Variants in PDE10A observed in about 807,000 individuals in gnomAD.
The protein encoded by PDE10A is phosphodiesterase 10A, also known as cAMP and cAMP-inhibited cGMP 3',5'-cyclic phosphodiesterase 10A.
Under a neutral mutation model 97.7 loss-of-function variants are expected in PDE10A, and 39 were observed. That is an observed-to-expected ratio of 0.40 (90% confidence interval 0.31 to 0.52). The LOEUF (loss-of-function observed/expected upper bound fraction) is 0.52, where lower values mean the gene tolerates loss of function less well. PDE10A is among the 20% of genes least tolerant of loss of function. The probability of loss-of-function intolerance (pLI) is 0.56; values close to 1 mark genes in which losing one functional copy is unlikely to be tolerated. For synonymous variants in PDE10A, 371 were observed against 376.8 expected (o/e 0.98, Z 0.18); for missense variants, 731 against 1,047.8 (o/e 0.70, Z 4.17).
At chr6:165,921,510 G>A (rs549107970) in intron 1 of PDE10A, among the ~76,000 whole-genome samples, 48 of 152,298 alleles carry the variant, frequency 3.2e-4, no homozygotes, top group African/African-American at 1.1e-3. Flanking sequence ...ACATGCCATG[G>A]ATGAAAGAAC....
Position 165,619,064 on chromosome 6 carries a change from G to C in PDE10A, c.865+42883C>G, listed in dbSNP as rs373052272. Reference sequence around the variant, plus strand: ...GTAGTGTAGTCTAGTGTGGTGTAGTGTAGTGTAGTGTAGTCTAGTGTAGTC... The same window carrying C: ...GTAGTGTAGTCTAGTGTGGTGTAGTCTAGTGTAGTGTAGTCTAGTGTAGTC... On this transcript the variant is annotated intron_variant, in intron 1 of 21. Transcript: ENST00000539869. Among the ~76,000 whole-genome samples the C allele has an allele frequency of 2.3e-3, 319 of 139,446 alleles. 3 individuals carry two copies. The highest frequency in any genetic ancestry group is 8.8e-3 in the African/African-American group (296 of 33,616). 91.5% of individuals were successfully genotyped at this position (139,446 alleles called of 152,430 possible).
chr6:165,577,288 T>C (rs1364930259), intron 1 of PDE10A, among the ~76,000 whole-genome samples: 1 of 152,162 alleles, frequency 6.6e-6, no homozygotes, highest in Non-Finnish European at 1.5e-5. Context: ...TCCTGATCAA[T>C]CTTTCTTCAC....
chr6:165,663,463 CT>C (rs565845292), upstream of PDE10A, among the ~76,000 whole-genome samples: 531 of 152,336 alleles, frequency 3.5e-3, 3 homozygotes, highest in Non-Finnish European at 5.8e-3. Flanking sequence ...ATCCTGAGTC[CT>C]GCAGCTGCTC....
chr6:165,937,593 G>A (rs182367552), intron 1 of PDE10A, among the ~76,000 whole-genome samples: 6 of 152,228 alleles, frequency 3.9e-5, no homozygotes, highest in Middle Eastern at 3.4e-3. Flanking sequence ...CATCTTTATA[G>A]GCTAGAGAGT....
intron 1 of PDE10A, among the ~76,000 whole-genome samples, chr6:165,882,031 C>T (rs756774142): frequency 6.6e-6 from 1 of 152,176 alleles, no homozygotes; most frequent in Non-Finnish European, 1.5e-5. Flanking sequence ...TCCTCTCATG[C>T]ATCCTCTCAT....
intron 1 of PDE10A, among the ~76,000 whole-genome samples, chr6:165,919,984 T>G (rs1268155960): frequency 2.6e-5 from 4 of 152,254 alleles, no homozygotes; most frequent in South Asian, 2.1e-4. Flanking sequence ...CCATTTCATA[T>G]TGTTAGACAT....
chr6:165,432,856 T>C (rs1789698823), intron 7 of PDE10A, 118 bp downstream of exon 7: 1 of 723,016 alleles, frequency 1.4e-6, no homozygotes, highest in South Asian at 2.1e-5. Context: ...AAGCAAATTG[T>C]GATTTTAAAT....
intron 2 of PDE10A, among the ~76,000 whole-genome samples, chr6:165,488,343 G>C (rs1298876266): frequency 6.6e-6 from 1 of 152,160 alleles, no homozygotes; most frequent in Non-Finnish European, 1.5e-5. Context: ...ATAGTTTATG[G>C]GAAAAATAAA....
chr6:165,769,535 T>C (rs763267130), intron 1 of PDE10A, among the ~76,000 whole-genome samples: 1 of 152,210 alleles, frequency 6.6e-6, no homozygotes, highest in African/African-American at 2.4e-5. Flanking sequence ...AAGAAAAGAA[T>C]GTATGCAGAC....
chr6:165,866,494 C>T (rs1037009900), intron 1 of PDE10A, among the ~76,000 whole-genome samples: 1 of 151,748 alleles, frequency 6.6e-6, no homozygotes, highest in African/African-American at 2.4e-5. Context: ...CATCCGCAGT[C>T]TCTTAACTTA....
At position 165,613,710 on chromosome 6, in the gene PDE10A, G is replaced by T. The variant is rs146417017; in HGVS notation, c.865+48237C>A. Among the ~76,000 whole-genome samples, 1,148 of 152,218 alleles carry T rather than the reference G, an allele frequency of 7.5e-3. 20 individuals carry two copies. The highest frequency in any genetic ancestry group is 0.027 in the African/African-American group (1,103 of 41,528). On this transcript the variant is annotated intron_variant, in intron 1 of 21. Transcript: ENST00000539869. ...AAATTACCTAAGTGATTGTCAATAT[G>T]TAGCACTGAATTCCTCTTCTGAATA...
chr6:165,454,598 T>C (rs1223668584), intron 3 of PDE10A, among the ~76,000 whole-genome samples: 1 of 152,158 alleles, frequency 6.6e-6, no homozygotes, highest in East Asian at 1.9e-4. Flanking sequence ...CTCTAAAGCG[T>C]GATCTCTTGC....
intron 1 of PDE10A, among the ~76,000 whole-genome samples, chr6:165,726,772 T>C (rs1792307891): frequency 1.3e-5 from 2 of 152,034 alleles, no homozygotes; most frequent in South Asian, 4.2e-4. Context: ...TCCTCTGCGG[T>C]TCTCCCTCGC....
chr6:165,394,143 G>C (rs183855611), intron 15 of PDE10A, among the ~76,000 whole-genome samples: 1 of 151,978 alleles, frequency 6.6e-6, no homozygotes. Flanking sequence ...AGGTATACAC[G>C]TGCCATGATG....
intron 1 of PDE10A, among the ~76,000 whole-genome samples, chr6:165,866,126 G>C (rs998028397): frequency 1.3e-4 from 20 of 151,784 alleles, no homozygotes; most frequent in African/African-American, 4.6e-4. Context: ...CCAATTAAGA[G>C]ATATAGACTG....
intron 2 of PDE10A, among the ~76,000 whole-genome samples, chr6:165,539,999 A>C (rs1180732191): frequency 6.6e-6 from 1 of 152,220 alleles, no homozygotes; most frequent in Non-Finnish European, 1.5e-5. Flanking sequence ...GGACAGAAGC[A>C]TAAAAATAGC....
At chr6:165,564,388 C>T (rs1489297238) in intron 1 of PDE10A, among the ~76,000 whole-genome samples, 1 of 152,128 alleles carries the variant, frequency 6.6e-6, no homozygotes, top group East Asian at 1.9e-4. Flanking sequence ...TGATAAGACC[C>T]GTTTTGACAA....
At chr6:165,749,290 CCAT>C (rs1792925479) in intron 1 of PDE10A, among the ~76,000 whole-genome samples, 1 of 62,268 alleles carries the variant, frequency 1.6e-5, no homozygotes, top group African/African-American at 6.1e-5. Flanking sequence ...ACCATCATCA[CCAT>C]CACCATCATC....
intron 1 of PDE10A, among the ~76,000 whole-genome samples, chr6:165,871,173 G>C (rs1011988769): frequency 6.6e-6 from 1 of 152,082 alleles, no homozygotes; most frequent in East Asian, 1.9e-4. Flanking sequence ...ATTACACAGC[G>C]TACGCATGTA....
Sources: allele counts gnomAD v4.1 joint callset (sites outside exome capture counted in the v4.1 genomes callset), GRCh38; gene constraint gnomAD v4.1.1; transcripts MANE v1.5; gene names NCBI Gene and HGNC (gene_info 2026-07-23, HGNC 2026-07-21).